Variants in JADE3 observed in about 807,000 individuals in gnomAD.
JADE3 encodes jade family PHD finger 3, also known as protein Jade-3.
A neutral mutation model predicts 50.1 loss-of-function variants in JADE3; 2 were observed. The observed-to-expected ratio is 0.04, with a 90% CI of 0.02 to 0.13. The LOEUF (loss-of-function observed/expected upper bound fraction) is 0.13. Among genes scored for constraint, JADE3 ranks in the 10% least tolerant of loss-of-function variants. JADE3 has a pLI of 1.00. For synonymous variants in JADE3, 218 were observed against 232.9 expected, an observed-to-expected ratio of 0.94 and a Z score of 0.58; for missense variants, 475 against 634.4, an observed-to-expected ratio of 0.75 and a Z score of 2.70.
At position 47,058,325 on chromosome X, in the gene JADE3, C is replaced by G. The variant is rs149554867; in HGVS notation, c.1720C>G (p.His574Asp). ...CTCTCCTGACAGCAGCTCATCTGTT[C>G]ACAGTATAAGGAACATGCAGGTGCC... is the stretch of plus-strand genomic sequence containing the variant. ...PHSPDSSSSV[H>D]SIRNMQVPQE... The change falls in exon 11 of 11, where the codon CAC (histidine) becomes GAC (aspartate). Residue 574 changes from histidine to aspartate, a missense_variant. Transcript: ENST00000614628. The G allele has an allele frequency of 8.3e-7, 1 of 1,208,887 alleles. No homozygotes were observed. Among genetic ancestry groups the G allele is most frequent in the South Asian group, 1.8e-5 (1 of 56,710 alleles).
chrX:47,022,748 T>C (rs1928823514), intron 4 of JADE3, among the ~76,000 whole-genome samples: 2 of 111,814 alleles, frequency 1.8e-5, no homozygotes, highest in South Asian at 3.7e-4. Flanking sequence ...TTCTCTTGGT[T>C]AAATTTTCTG....
intron 7 of JADE3, among the ~76,000 whole-genome samples, chrX:47,037,871 T>C (rs1424356687): frequency 2.7e-5 from 3 of 111,288 alleles, no homozygotes; most frequent in Non-Finnish European, 5.7e-5. Context: ...AAATAGTAGG[T>C]CTTATTCATT....
chrX:46,971,727 C>T (rs982101971), intron 1 of JADE3, among the ~76,000 whole-genome samples: 8 of 105,354 alleles, frequency 7.6e-5, no homozygotes, highest in East Asian at 3.1e-4. Flanking sequence ...ACCTGGGAGG[C>T]GGAGCTTGCA....
At chrX:47,026,638 A>C (rs1173258267) in intron 5 of JADE3, among the ~76,000 whole-genome samples, 1 of 111,581 alleles carries the variant, frequency 9.0e-6, no homozygotes, top group Non-Finnish European at 1.9e-5. Flanking sequence ...GAGGTGTCTA[A>C]GAGCTTAAAG....
intron 1 of JADE3, among the ~76,000 whole-genome samples, chrX:46,935,762 T>C (rs1345064093): frequency 3.7e-5 from 4 of 109,418 alleles, no homozygotes; most frequent in African/African-American, 1.3e-4. Flanking sequence ...ATACTTCCAG[T>C]ATGACATTGA....
intron 1 of JADE3, among the ~76,000 whole-genome samples, chrX:46,978,364 T>C (rs1016169960): frequency 9.0e-6 from 1 of 111,614 alleles, no homozygotes; most frequent in Non-Finnish European, 1.9e-5. Flanking sequence ...CTTCTTTGCA[T>C]GTACTTGGAT....
chrX:46,955,345 G>A (rs1362667165), intron 1 of JADE3, among the ~76,000 whole-genome samples: 1 of 111,968 alleles, frequency 8.9e-6, no homozygotes, highest in African/African-American at 3.2e-5. Flanking sequence ...TTGGTACTGG[G>A]AGAACAAATA....
At chrX:47,010,339 C>T (rs1247458742) in intron 4 of JADE3, among the ~76,000 whole-genome samples, 1 of 111,470 alleles carries the variant, frequency 9.0e-6, no homozygotes, top group Non-Finnish European at 1.9e-5. Context: ...ACCGATTCTC[C>T]TGCCTCAGCC....
At chrX:47,040,127 G>A (rs2146983716) in intron 8 of JADE3, among the ~76,000 whole-genome samples, 1 of 111,969 alleles carries the variant, frequency 8.9e-6, no homozygotes, top group Admixed American at 9.5e-5. Flanking sequence ...TGGCTCTTCT[G>A]GCTAGAGGGA....
rs935715180 is a variant in JADE3 at position 46,976,058 on chromosome X, A to C, written c.-11-8826A>C. 3.1e-3 allele frequency among the ~76,000 whole-genome samples: 348 copies of C among 111,136 alleles called. 3 individuals are homozygous for C. Among genetic ancestry groups the C allele is most frequent in the African/African-American group, 0.011 (337 of 30,597 alleles). On this transcript the variant is annotated intron_variant, in intron 1 of 10. Transcript: ENST00000614628. The stretch of plus-strand genomic sequence containing the variant: ...TAATTTTCAAGGACGAATGTTAGAA[A>C]TAGAATTCCTAGGTCAAACGGTGTG...
intron 8 of JADE3, among the ~76,000 whole-genome samples, chrX:47,051,088 G>T (rs1335904307): frequency 9.1e-6 from 1 of 110,269 alleles, no homozygotes; most frequent in African/African-American, 3.3e-5. Flanking sequence ...TCAGTAAGTG[G>T]CTAGATTACC....
At position 46,947,014 on chromosome X, in the gene JADE3, CTTCTT is replaced by C. The variant is rs782267780; in HGVS notation, c.-12+34310_-12+34314del. 3.8e-3 allele frequency among the ~76,000 whole-genome samples: 422 copies of C among 111,055 alleles called. 1 individual carries two copies. The highest frequency in any genetic ancestry group is 9.5e-3 in the African/African-American group (289 of 30,542). On this transcript the variant is annotated intron_variant, in intron 1 of 10. Transcript: ENST00000614628. ...GTTGCTTTTGGTCCTTTTCTTTTCT[CTTCTT>C]TTCTTTTCTTTTCTCTTTGAGACGG...
intron 1 of JADE3, chrX:46,912,970 T>C (rs1320955625): frequency 9.1e-6 from 1 of 109,965 alleles, no homozygotes; most frequent in East Asian, 3.1e-4. Context: ...GCCCGGGTAG[T>C]GCCTGGTGGC....
At chrX:46,933,068 C>A (rs1279998274) in intron 1 of JADE3, among the ~76,000 whole-genome samples, 1 of 112,078 alleles carries the variant, frequency 8.9e-6, no homozygotes, top group Non-Finnish European at 1.9e-5. Context: ...CATGTATATC[C>A]TCTTTTTCTC....
chrX:46,917,818 TCTCA>T (rs1556336728), intron 1 of JADE3, among the ~76,000 whole-genome samples: 8 of 85,771 alleles, frequency 9.3e-5, no homozygotes, highest in African/African-American at 3.6e-4. Context: ...TCTCTCTCTC[TCTCA>T]CTCTCTCTCA....
intron 1 of JADE3, among the ~76,000 whole-genome samples, chrX:46,948,525 T>C (rs901088548): frequency 3.6e-5 from 4 of 111,870 alleles, no homozygotes; most frequent in Non-Finnish European, 7.5e-5. Flanking sequence ...AAGATACAGG[T>C]TAAATACAAT....
At chrX:47,038,697 A>AAGG (rs1435338285) in intron 7 of JADE3, among the ~76,000 whole-genome samples, 9 of 108,949 alleles carry the variant, frequency 8.3e-5, no homozygotes, top group African/African-American at 2.7e-4. Context: ...AGAAAAGTAA[A>AAGG]AGGTAATCAT....
intron 1 of JADE3, among the ~76,000 whole-genome samples, chrX:46,932,290 G>A (rs1459161363): frequency 8.9e-6 from 1 of 111,790 alleles, no homozygotes; most frequent in East Asian, 2.8e-4. Flanking sequence ...GATTAGAGTC[G>A]AGACCTTTTC....
chrX:46,927,200 G>A, intron 1 of JADE3, among the ~76,000 whole-genome samples: 1 of 112,239 alleles, frequency 8.9e-6, no homozygotes, highest in East Asian at 2.8e-4. Context: ...TTTGTAAAAT[G>A]AAGTTAACCA....
Sources: allele counts gnomAD v4.1 joint callset (sites outside exome capture counted in the v4.1 genomes callset), GRCh38; gene constraint gnomAD v4.1.1; transcripts MANE v1.5; gene names NCBI Gene and HGNC (gene_info 2026-07-23, HGNC 2026-07-21).